Variants in NAA15 observed in about 807,000 individuals in gnomAD.
NAA15 encodes N-terminal acetyltransferase.
A neutral mutation model predicts 114.0 loss-of-function variants in NAA15; 34 were observed. That is an observed-to-expected ratio of 0.30 (90% CI 0.23 to 0.40). The LOEUF is 0.40. Among genes scored for constraint, NAA15 ranks in the 10% least tolerant of loss-of-function variants. The pLI, the probability that NAA15 is intolerant of heterozygous loss-of-function variation, is 1.00. For missense variants in NAA15, 658 were observed against 1,004.5 expected (o/e 0.66, Z 4.66); for synonymous variants, 340 against 338.0 (o/e 1.01, Z -0.06).
intron 6 of NAA15, among the ~76,000 whole-genome samples, chr4:139,345,250 A>G (rs1269861952): frequency 6.6e-6 from 1 of 152,208 alleles, no homozygotes; most frequent in East Asian, 1.9e-4. Flanking sequence ...TGTGAACTGC[A>G]GATCCAAGAC....
At chr4:139,380,532 T>C (rs1331847299) in intron 17 of NAA15, among the ~76,000 whole-genome samples, 5 of 152,208 alleles carry the variant, frequency 3.3e-5, no homozygotes, top group African/African-American at 1.2e-4. Context: ...AGTATGTAGA[T>C]TGATTAACAT....
chr4:139,346,018 T>C lies in NAA15; in HGVS notation c.691+1679T>C, dbSNP rs146077678. On this transcript the variant is annotated intron_variant, in intron 6 of 19. Transcript: ENST00000296543. ...GTAAATGAAACAAATGGGGTGCCGGTAGGTGAAATGGGATGCAGGCTCAAA... is the reference window on the plus strand; with the variant it reads ...GTAAATGAAACAAATGGGGTGCCGGCAGGTGAAATGGGATGCAGGCTCAAA... Among the ~76,000 whole-genome samples, 279 of 152,096 alleles carry C rather than the reference T, an allele frequency of 1.8e-3. 2 individuals are homozygous for C. Among genetic ancestry groups the C allele is most frequent in the African/African-American group, 6.6e-3 (275 of 41,498 alleles).
intron 15 of NAA15, among the ~76,000 whole-genome samples, chr4:139,375,443 CT>C (rs2110987934): frequency 6.9e-6 from 1 of 145,208 alleles, no homozygotes; most frequent in African/African-American, 2.5e-5. Context: ...CACTTCACTG[CT>C]TTTCTTTTCT....
chr4:139,382,175 C>T (rs1020871954), intron 17 of NAA15, among the ~76,000 whole-genome samples: 6 of 152,218 alleles, frequency 3.9e-5, no homozygotes, highest in African/African-American at 1.4e-4. Context: ...TTCCATAGGA[C>T]ATTCTGGGTT....
At chr4:139,372,921 C>G (rs538220579) in intron 15 of NAA15, among the ~76,000 whole-genome samples, 13 of 152,194 alleles carry the variant, frequency 8.5e-5, no homozygotes, top group African/African-American at 3.1e-4. Flanking sequence ...GGGTCTTGCT[C>G]TGTCACCCAG....
Position 139,301,725 on chromosome 4 carries a change from A to C in NAA15, c.-53A>C. 6.5e-7 allele frequency: 1 copy of C among 1,532,836 alleles called. No homozygotes were observed. Among genetic ancestry groups the C allele is most frequent in the Non-Finnish European group, 8.8e-7 (1 of 1,134,074 alleles). 95.0% of individuals were successfully genotyped at this position (1,532,836 alleles called of 1,614,324 possible). ...GGAACGGCAGCGGCGGCGGTCGGAC[A>C]AACTGACTGACCGAGCCGGGTGGTG... On this transcript the variant is annotated 5_prime_UTR_variant, in exon 1 of 20. Transcript: ENST00000296543.
rs542436749 is a variant in NAA15 at position 139,390,940 on chromosome 4, G to T, written c.*2856G>T. On this transcript the variant is annotated 3_prime_UTR_variant, in exon 20 of 20. Coordinates refer to ENST00000296543, the MANE Select transcript of NAA15 (RefSeq NM_057175.5). The stretch of plus-strand genomic sequence containing the variant: ...TTTATGAAGAGATCAAAAAAAGTGT[G>T]GTCCAGATTCAGGTAGGTTGTGGTA... The T allele has an allele frequency of 2.0e-5, 3 of 152,228 alleles. No individual in the cohort carries two copies. Among genetic ancestry groups the T allele is most frequent in the Non-Finnish European group, 4.4e-5 (3 of 68,016 alleles). The allele number at this position is 152,228 out of a possible 1,614,324, so 9.4% of individuals were successfully genotyped here. A position where few individuals can be genotyped will look rare whatever the true frequency, so the allele number is the denominator to read the frequency against.
intron 8 of NAA15, 94 bp downstream of exon 8, chr4:139,351,380 GC>G: frequency 9.4e-7 from 1 of 1,058,970 alleles, no homozygotes; most frequent in Non-Finnish European, 1.4e-6. Flanking sequence ...TTAAGTTTAA[GC>G]TATACATTGT....
At chr4:139,370,848 C>G (rs1016219384) in intron 15 of NAA15, among the ~76,000 whole-genome samples, 1 of 152,140 alleles carries the variant, frequency 6.6e-6, no homozygotes, top group Non-Finnish European at 1.5e-5. Flanking sequence ...TATGTCTAGG[C>G]TAAATTGAGT....
At chr4:139,375,643 C>A (rs904043966) in intron 15 of NAA15, among the ~76,000 whole-genome samples, 5 of 152,058 alleles carry the variant, frequency 3.3e-5, no homozygotes, top group African/African-American at 1.2e-4. Flanking sequence ...ATGTTTAGTG[C>A]CCTTCTGATA....
At chr4:139,359,981 G>A (rs1052612981) in intron 12 of NAA15, 86 bp downstream of exon 12, 2 of 1,329,532 alleles carry the variant, frequency 1.5e-6, no homozygotes, top group African/African-American at 1.5e-5. Flanking sequence ...TTCAAAGTTT[G>A]TCTTTAATAT....
chr4:139,332,068 C>A (rs1560960800), intron 1 of NAA15, among the ~76,000 whole-genome samples: 1 of 152,092 alleles, frequency 6.6e-6, no homozygotes, highest in Non-Finnish European at 1.5e-5. Context: ...TGACTCTGCT[C>A]CACTCTGGAG....
intron 1 of NAA15, among the ~76,000 whole-genome samples, chr4:139,327,103 T>G (rs1173806176): frequency 1.3e-5 from 2 of 152,070 alleles, no homozygotes; most frequent in Admixed American, 6.6e-5. Flanking sequence ...GCCTGGCTAA[T>G]TTTTTGATTT....
At chr4:139,358,657 T>C (rs150405841) in intron 11 of NAA15, among the ~76,000 whole-genome samples, 74 of 152,336 alleles carry the variant, frequency 4.9e-4, no homozygotes, top group Non-Finnish European at 9.3e-4. Flanking sequence ...AACTAGATTA[T>C]GGCTCATTAG....
At chr4:139,311,498 T>G (rs528054244) in intron 1 of NAA15, among the ~76,000 whole-genome samples, 2 of 152,104 alleles carry the variant, frequency 1.3e-5, no homozygotes, top group Admixed American at 6.5e-5. Flanking sequence ...GCCTATATTA[T>G]GGTAAGACTT....
At chr4:139,359,606 A>G in intron 11 of NAA15, 137 bp from the exon 12 acceptor site, 1 of 724,098 alleles carries the variant, frequency 1.4e-6, no homozygotes, top group South Asian at 2.1e-5. Context: ...GCATTTCTTT[A>G]TATTGATTAG....
chr4:139,316,204 T>A lies in NAA15; in HGVS notation c.54+14373T>A, dbSNP rs962080920. ...GCTTGTGAAACAATTTCTTAAATTT[T>A]TACATGTTTAAATTGTTTCCTATAT... On this transcript the variant is annotated intron_variant, in intron 1 of 19. Transcript: ENST00000296543. 4.6e-5 allele frequency among the ~76,000 whole-genome samples: 7 copies of A among 152,062 alleles called. No individual in the cohort carries two copies. In the South Asian group the frequency reaches 1.4e-3, roughly 31 times the overall value.
intron 1 of NAA15, among the ~76,000 whole-genome samples, chr4:139,307,613 G>A (rs910919274): frequency 2.4e-4 from 37 of 152,198 alleles, no homozygotes; most frequent in Admixed American, 2.4e-3. Context: ...TAGTGCAACT[G>A]AGGAAATGAA....
At position 139,360,539 on chromosome 4, in the gene NAA15, T is replaced by C. The variant is rs2110956953; in HGVS notation, c.1450T>C (p.Cys484Arg). The C allele has an allele frequency of 6.2e-7, 1 of 1,607,960 alleles. No homozygotes were observed. ...SAVENLNEMQ[C>R]MWFQTECAQA... Reference sequence around the variant, plus strand: ...GGTAGAGAATTTGAATGAAATGCAGTGCATGTGGTTCCAAACAGAATGTGC... The same window carrying C: ...GGTAGAGAATTTGAATGAAATGCAGCGCATGTGGTTCCAAACAGAATGTGC... The change falls in exon 13 of 20, where the codon TGC (cysteine) becomes CGC (arginine). Residue 484 changes from cysteine to arginine, a missense_variant. By Grantham distance (180) the Cys-to-Arg change is radical. This residue lies in a region of NAA15 where 281 missense variants were observed against 389.1 expected (regional missense o/e 0.72). Transcript: ENST00000296543.
Sources: allele counts gnomAD v4.1 joint callset (sites outside exome capture counted in the v4.1 genomes callset), GRCh38; gene constraint gnomAD v4.1.1; regional missense constraint gnomAD v4.1.1; transcripts MANE v1.5; gene names NCBI Gene and HGNC (gene_info 2026-07-23, HGNC 2026-07-21).